Variants in OSBPL8 observed in about 807,000 individuals in gnomAD.
The protein encoded by OSBPL8 is oxysterol-binding protein-related protein 8.
A neutral mutation model predicts 125.5 loss-of-function variants in OSBPL8; 59 were observed. That is an observed-to-expected ratio of 0.47 (90% confidence interval 0.38 to 0.58). OSBPL8 has a LOEUF of 0.58. Ranked by LOEUF, OSBPL8 falls within the 20% of genes least tolerant of loss-of-function variation. The probability of loss-of-function intolerance (pLI) is 0.00; values close to 1 mark genes in which losing one functional copy is unlikely to be tolerated. For missense variants in OSBPL8, 758 were observed against 1,047.8 expected (o/e 0.72, Z 3.82); for synonymous variants, 330 against 338.9 (o/e 0.97, Z 0.29).
chr12:76,491,984 G>A (rs1475945995), intron 1 of OSBPL8, among the ~76,000 whole-genome samples: 1 of 151,808 alleles, frequency 6.6e-6, no homozygotes, highest in Non-Finnish European at 1.5e-5. Context: ...TGACCACTTT[G>A]AATACATCAA....
rs1038846345 is a variant in OSBPL8, at chr12:76,449,284, A to G, written c.217+1567T>C. ...CCACAGCTATGAGTAGTACCACAGG[A>G]GATTTCCGTACATTTGATTAAATAA... On this transcript the variant is annotated intron_variant, in intron 4 of 23. Coordinates refer to ENST00000261183, the MANE Select transcript of OSBPL8 (RefSeq NM_020841.5). Among the ~76,000 whole-genome samples, 8 of 152,212 alleles carry G rather than the reference A, an allele frequency of 5.3e-5. No individual in the cohort carries two copies. In the East Asian group the frequency reaches 1.3e-3, roughly 26 times the overall value.
chr12:76,476,922 C>T (rs1464418623), intron 2 of OSBPL8, among the ~76,000 whole-genome samples: 8 of 152,070 alleles, frequency 5.3e-5, no homozygotes, highest in African/African-American at 1.9e-4. Context: ...AGCAGACATT[C>T]AACAAATATC....
intron 1 of OSBPL8, among the ~76,000 whole-genome samples, chr12:76,535,616 C>T (rs972496368): frequency 6.6e-6 from 1 of 151,946 alleles, no homozygotes. Flanking sequence ...TTACAATAAC[C>T]GAAAATTACA....
chr12:76,519,577 T>C (rs1027945958), intron 1 of OSBPL8, among the ~76,000 whole-genome samples: 2 of 152,192 alleles, frequency 1.3e-5, no homozygotes, highest in African/African-American at 4.8e-5. Context: ...TATACTGTTC[T>C]TGCAGTGCTA....
intron 3 of OSBPL8, among the ~76,000 whole-genome samples, chr12:76,453,464 TACA>T (rs1378273447): frequency 3.3e-5 from 5 of 152,194 alleles, no homozygotes; most frequent in African/African-American, 9.6e-5. Flanking sequence ...AGCTCAGATA[TACA>T]ACAGAAATAG....
chr12:76,362,141 A>C (rs1952230419), intron 21 of OSBPL8, among the ~76,000 whole-genome samples: 1 of 152,196 alleles, frequency 6.6e-6, no homozygotes, highest in African/African-American at 2.4e-5. Flanking sequence ...GTAACATTTA[A>C]AATAGAAATC....
At chr12:76,423,912 GTTCTCTA>G (rs1313190732) in intron 4 of OSBPL8, among the ~76,000 whole-genome samples, 6 of 152,086 alleles carry the variant, frequency 3.9e-5, no homozygotes, top group Non-Finnish European at 7.3e-5. Flanking sequence ...TTCAACGCTG[GTTCTCTA>G]TTCATGCACA....
intron 4 of OSBPL8, among the ~76,000 whole-genome samples, chr12:76,432,849 A>C (rs1019762599): frequency 2.0e-5 from 3 of 152,174 alleles, no homozygotes; most frequent in African/African-American, 7.2e-5. Flanking sequence ...TATACACATG[A>C]TGTATACTTA....
chr12:76,361,879 G>A (rs928004065), intron 21 of OSBPL8, among the ~76,000 whole-genome samples: 5 of 152,168 alleles, frequency 3.3e-5, no homozygotes, highest in African/African-American at 1.2e-4. Context: ...TTCAAGATGA[G>A]ATTTGGATGG....
intron 9 of OSBPL8, among the ~76,000 whole-genome samples, chr12:76,393,531 A>G (rs1649128678): frequency 6.6e-6 from 1 of 150,426 alleles, no homozygotes; most frequent in Admixed American, 6.6e-5. Flanking sequence ...TAACACAGTG[A>G]AACCCTGTCT....
intron 1 of OSBPL8, among the ~76,000 whole-genome samples, chr12:76,497,400 T>G (rs1879391578): frequency 6.6e-6 from 1 of 152,130 alleles, no homozygotes; most frequent in Non-Finnish European, 1.5e-5. Flanking sequence ...GTGTAGTGTT[T>G]CAGGTTAACA....
rs116598781 is a variant in OSBPL8, at chr12:76,543,551, C to G, written c.-68+15846G>C. On this transcript the variant is annotated intron_variant, in intron 1 of 23. Coordinates refer to ENST00000261183, the MANE Select transcript of OSBPL8 (RefSeq NM_020841.5). ...TTTACTGTCGATTTTCTACCACTCCCCACACAAGTTTATTATCTACACCAA... is the reference window on the plus strand; with the variant it reads ...TTTACTGTCGATTTTCTACCACTCCGCACACAAGTTTATTATCTACACCAA... Among the ~76,000 whole-genome samples the G allele has an allele frequency of 2.5e-3, 374 of 152,152 alleles. 1 individual carries two copies. The highest frequency in any genetic ancestry group is 8.3e-3 in the African/African-American group (344 of 41,488).
At chr12:76,416,071 C>T (rs192673757) in intron 4 of OSBPL8, among the ~76,000 whole-genome samples, 2 of 152,030 alleles carry the variant, frequency 1.3e-5, no homozygotes, top group African/African-American at 4.8e-5. Flanking sequence ...CTCTTAATCA[C>T]GATTTTAAAG....
At chr12:76,546,801 G>C (rs1206754871) in intron 1 of OSBPL8, among the ~76,000 whole-genome samples, 2 of 152,072 alleles carry the variant, frequency 1.3e-5, no homozygotes, top group African/African-American at 4.8e-5. Flanking sequence ...ACAGAATATA[G>C]AGAAAGGTAA....
At chr12:76,489,019 G>A (rs565742730) in intron 1 of OSBPL8, among the ~76,000 whole-genome samples, 2 of 152,308 alleles carry the variant, frequency 1.3e-5, no homozygotes, top group South Asian at 4.1e-4. Context: ...CCTTATTGCT[G>A]ATATACAGCA....
intron 4 of OSBPL8, among the ~76,000 whole-genome samples, chr12:76,428,678 G>A (rs770944718): frequency 6.6e-6 from 1 of 151,988 alleles, no homozygotes; most frequent in Non-Finnish European, 1.5e-5. Flanking sequence ...ATTTAAGAAA[G>A]TACTACGTCC....
At chr12:76,509,254 C>T (rs1182310210) in intron 1 of OSBPL8, among the ~76,000 whole-genome samples, 3 of 152,104 alleles carry the variant, frequency 2.0e-5, no homozygotes, top group East Asian at 3.9e-4. Context: ...GTGTAGTAGG[C>T]TACACCACCT....
At chr12:76,421,869 C>T (rs943398880) in intron 4 of OSBPL8, among the ~76,000 whole-genome samples, 2 of 145,786 alleles carry the variant, frequency 1.4e-5, no homozygotes, top group African/African-American at 5.0e-5. Flanking sequence ...TAAATCATAG[C>T]TGTCAAATGC....
intron 1 of OSBPL8, 44 bp from the exon 2 acceptor site, chr12:76,487,662 T>G: frequency 1.4e-6 from 1 of 705,004 alleles, no homozygotes; most frequent in Non-Finnish European, 2.1e-6. Context: ...TATAAAACTG[T>G]GACAAGTAGA....
Sources: allele counts gnomAD v4.1 joint callset (sites outside exome capture counted in the v4.1 genomes callset), GRCh38; gene constraint gnomAD v4.1.1; transcripts MANE v1.5; gene names NCBI Gene and HGNC (gene_info 2026-07-23, HGNC 2026-07-21).